Variants in DUSP15 observed in about 807,000 individuals in gnomAD.
DUSP15 encodes the protein dual specificity protein phosphatase 15.
DUSP15 carries 23 observed loss-of-function variants against 26.3 expected under a neutral mutation model. The observed-to-expected ratio is 0.87, with a 90% CI of 0.63 to 1.24. The LOEUF (loss-of-function observed/expected upper bound fraction) is 1.24, where lower values mean the gene tolerates loss of function less well. Among genes scored for constraint, DUSP15 ranks in the 50% most tolerant of loss-of-function variants. The pLI is 0.00. For synonymous variants in DUSP15, 143 were observed against 135.5 expected (o/e 1.06, Z -0.39); for missense variants, 364 against 320.6 (o/e 1.14, Z -1.03).
chr20:31,859,399 T>C (rs1600456454), downstream of DUSP15, among the ~76,000 whole-genome samples: 3 of 152,316 alleles, frequency 2.0e-5, no homozygotes, highest in South Asian at 6.2e-4. Flanking sequence ...GCTGTATTCA[T>C]GGAACTGAGG....
intron 6 of DUSP15, among the ~76,000 whole-genome samples, chr20:31,855,607 G>A (rs1225888826): frequency 2.0e-5 from 3 of 152,188 alleles, no homozygotes; most frequent in Non-Finnish European, 4.4e-5. Flanking sequence ...AAAAGGATGG[G>A]GAGGCCAGCC....
chr20:31,845,943 GAC>G (rs1163779164), downstream of DUSP15, among the ~76,000 whole-genome samples: 2 of 152,060 alleles, frequency 1.3e-5, no homozygotes, highest in Non-Finnish European at 2.9e-5. Context: ...AAGAGATAGA[GAC>G]AGAGAGAGGT....
intron 7 of DUSP15, chr20:31,849,907 G>A (rs746676686): frequency 2.8e-6 from 4 of 1,450,520 alleles, no homozygotes; most frequent in East Asian, 5.1e-5. Flanking sequence ...CGGGCTGGAC[G>A]TGGGCGGCGC....
chr20:31,869,932 G>GAGGCAGAAAGGCAATGAC, intron 1 of DUSP15: 2 of 1,356,662 alleles, frequency 1.5e-6, no homozygotes, highest in Non-Finnish European at 1.9e-6. Flanking sequence ...TGGGGCTGGG[G>GAGGCAGAAAGGCAATGAC]AGGCAGAAAG....
chr20:31,865,363 C>A (rs769079454), intron 3 of DUSP15, among the ~76,000 whole-genome samples: 2 of 152,128 alleles, frequency 1.3e-5, no homozygotes, highest in Non-Finnish European at 2.9e-5. Flanking sequence ...AAAGGTAGAG[C>A]AGATTTGATT....
At chr20:31,869,917 A>G in intron 1 of DUSP15, 2 of 1,349,974 alleles carry the variant, frequency 1.5e-6, no homozygotes, top group Non-Finnish European at 1.9e-6. Context: ...CAGGGATGGA[A>G]ATTCTGGGGC....
intron 3 of DUSP15, 47 bp from the exon 4 acceptor site, chr20:31,865,049 T>C (rs756731721): frequency 3.5e-5 from 57 of 1,607,140 alleles, no homozygotes; most frequent in Non-Finnish European, 4.7e-5. Flanking sequence ...CCTGCAACCC[T>C]CCCTGATGCT....
rs1330260060 is a variant in DUSP15 at position 31,855,428 on chromosome 20, TG to T, written c.427-4753del. On this transcript the variant is annotated intron_variant, in intron 6 of 9. Coordinates refer to the DUSP15 transcript ENST00000278979. ...AATAATGAGGGTCGACTGTGTGTGG[TG>T]GGGGAAAGAGCAAGAGAAATTAAGG... 2.0e-5 allele frequency among the ~76,000 whole-genome samples: 3 copies of T among 152,104 alleles called. No individual in the cohort carries two copies. In the East Asian group the frequency reaches 5.8e-4, roughly 29 times the overall value.
downstream of DUSP15, chr20:31,845,620 C>G: frequency 6.5e-7 from 1 of 1,546,526 alleles, no homozygotes; most frequent in South Asian, 1.2e-5. Flanking sequence ...ATAGCCTGCC[C>G]AGGCTGGTTA....
At chr20:31,864,135 AT>A in intron 4 of DUSP15, 154 bp from the exon 5 acceptor site, 7 of 1,447,470 alleles carry the variant, frequency 4.8e-6, no homozygotes, top group Non-Finnish European at 6.4e-6. Flanking sequence ...AGTACTTAGT[AT>A]GAGCTGGAGG....
chr20:31,860,671 T>A (rs1300082556), downstream of DUSP15, among the ~76,000 whole-genome samples: 2 of 152,212 alleles, frequency 1.3e-5, no homozygotes, highest in Non-Finnish European at 2.9e-5. Flanking sequence ...AGTGAACTCA[T>A]GCAGTAAAAG....
chr20:31,865,489 A>G (rs551091603), intron 3 of DUSP15, among the ~76,000 whole-genome samples: 35 of 152,244 alleles, frequency 2.3e-4, no homozygotes, highest in Non-Finnish European at 4.3e-4. Context: ...AATTTTTTCC[A>G]GCAAACTTGC....
downstream of DUSP15, among the ~76,000 whole-genome samples, chr20:31,858,828 C>T (rs2062602259): frequency 6.6e-6 from 1 of 152,202 alleles, no homozygotes; most frequent in Admixed American, 6.5e-5. This position sits in a 1 kb window ranked among gnomAD's most constrained non-coding sequence, Gnocchi z 4.4. Flanking sequence ...CAAATGCATA[C>T]TCATGACCTC....
At chr20:31,861,066 G>A (rs1290216005), downstream of DUSP15, 124 of 1,128,246 alleles carry the variant, frequency 1.1e-4, no homozygotes, top group Non-Finnish European at 1.3e-4. Flanking sequence ...GGAGGCACTC[G>A]GACAGGCAGC....
At chr20:31,863,778 C>T (rs2062709462) in intron 5 of DUSP15, 129 bp downstream of exon 5, 1 of 895,362 alleles carries the variant, frequency 1.1e-6, no homozygotes, top group Non-Finnish European at 1.8e-6. Flanking sequence ...AATGGTGGGC[C>T]CTCAGGCACT....
At chr20:31,864,354 GGCA>G (rs2062723582) in intron 4 of DUSP15, 1 of 1,057,874 alleles carries the variant, frequency 9.5e-7, no homozygotes, top group South Asian at 3.4e-5. Context: ...CACAATGATG[GGCA>G]GCAGCAGGCT....
chr20:31,856,452 G>A (rs2062564591), downstream of DUSP15, among the ~76,000 whole-genome samples: 1 of 152,140 alleles, frequency 6.6e-6, no homozygotes, highest in Non-Finnish European at 1.5e-5. Context: ...GCTGAGGGAT[G>A]GGGGAAGCAG....
rs928451618 is a variant in DUSP15, at chr20:31,870,097, C to A, written c.21+220G>T. ...CCACAGCAAGACAGCGAGAGACACA[C>A]AGAGTCACGGAGAGAGGGCGGACAC... On this transcript the variant is annotated intron_variant, in intron 1 of 6. Coordinates refer to ENST00000339738, the MANE Select transcript of DUSP15 (RefSeq NM_080611.5). The surrounding 1 kb of genome is among the most constrained non-coding windows in gnomAD (Gnocchi z 6.6). The A allele has an allele frequency of 2.9e-5, 37 of 1,254,388 alleles. No individual in the cohort carries two copies. Among genetic ancestry groups the A allele is most frequent in the Non-Finnish European group, 3.4e-5 (34 of 1,000,066 alleles). The allele number at this position is 1,254,388 out of a possible 1,614,324, so 77.7% of individuals were successfully genotyped here.
intron 6 of DUSP15, among the ~76,000 whole-genome samples, chr20:31,853,516 T>TA (rs149043582): frequency 0.07 from 10,565 of 151,712 alleles, 753 homozygotes; most frequent in African/African-American, 0.18. Context: ...CTGTCTCTAC[T>TA]AAAAAAAATA....
Sources: gnomAD v4.1 joint callset for allele counts (sites outside exome capture counted in the v4.1 genomes callset) on GRCh38, gnomAD v4.1.1 for gene constraint, Gnocchi (gnomAD v3.1) non-coding constraint, MANE v1.5 for transcripts, NCBI Gene and HGNC (gene_info 2026-07-23, HGNC 2026-07-21) for gene names.